Variants in DNMBP observed in about 807,000 individuals in gnomAD.
The protein encoded by DNMBP is dynamin-binding protein.
A neutral mutation model predicts 150.0 loss-of-function variants in DNMBP; 87 were observed. That is an observed-to-expected ratio of 0.58 (90% CI 0.49 to 0.69). The LOEUF (loss-of-function observed/expected upper bound fraction) is 0.69, where lower values mean the gene tolerates loss of function less well. Among genes scored for constraint, DNMBP ranks in the 30% least tolerant of loss-of-function variants. The probability of loss-of-function intolerance (pLI) is 0.00; values close to 1 mark genes in which losing one functional copy is unlikely to be tolerated. For synonymous variants in DNMBP, 711 were observed against 750.4 expected, an observed-to-expected ratio of 0.95 and a Z score of 0.86; for missense variants, 1,774 against 1,949.0, an observed-to-expected ratio of 0.91 and a Z score of 1.69.
chr10:99,884,362 C>T (rs1411906742), intron 14 of DNMBP, among the ~76,000 whole-genome samples, 153 bp from the exon 15 acceptor site: 2 of 152,170 alleles, frequency 1.3e-5, no homozygotes, highest in Non-Finnish European at 2.9e-5. Context: ...TGAAGCCAGC[C>T]CATGTGGCTA....
intron 1 of DNMBP, among the ~76,000 whole-genome samples, chr10:100,007,195 T>TACAC (rs370248949): frequency 1.3e-5 from 2 of 151,458 alleles, no homozygotes; most frequent in Admixed American, 1.3e-4. Flanking sequence ...CACATATACA[T>TACAC]ACACACACAC....
intron 4 of DNMBP, among the ~76,000 whole-genome samples, chr10:99,947,222 T>G (rs2040367168): frequency 6.6e-6 from 1 of 152,172 alleles, no homozygotes; most frequent in Non-Finnish European, 1.5e-5. Context: ...ATTGGGTATA[T>G]GCCCAAAGGA....
At chr10:99,906,225 C>T (rs1302168605) in intron 6 of DNMBP, among the ~76,000 whole-genome samples, 1 of 152,110 alleles carries the variant, frequency 6.6e-6, no homozygotes, top group East Asian at 1.9e-4. Context: ...TGACCCATTC[C>T]CCTTTCTAGC....
rs1419566211 is a variant in DNMBP at position 99,955,854 on chromosome 10, T to C, written c.1620A>G (p.Ser540=). The C allele has an allele frequency of 4.3e-6, 7 of 1,614,082 alleles. No individual in the cohort carries two copies. The highest frequency in any genetic ancestry group is 5.1e-6 in the Non-Finnish European group (6 of 1,180,040). ...CCAGGTCAGTGCTGCCGTCTCCCTGTGAATGTGTTGCTGCTTCCATAACAA... is the reference window on the plus strand; with the variant it reads ...CCAGGTCAGTGCTGCCGTCTCCCTGCGAATGTGTTGCTGCTTCCATAACAA... ...QGLVMEAATH[S]QGDGSTDLDS... Residue 540 remains serine (S), a synonymous_variant, in exon 4 of 17, where the codon TCA becomes TCG. Transcript: ENST00000324109.
intron 6 of DNMBP, among the ~76,000 whole-genome samples, chr10:99,904,814 G>A: frequency 6.6e-6 from 1 of 152,050 alleles, no homozygotes; most frequent in East Asian, 1.9e-4. Flanking sequence ...ATGGAGGTGG[G>A]GCTATGGATA....
chr10:99,946,416 T>C (rs566581878), intron 4 of DNMBP, among the ~76,000 whole-genome samples: 10 of 152,342 alleles, frequency 6.6e-5, no homozygotes, highest in South Asian at 2.1e-4. Flanking sequence ...TTTAAAGGCA[T>C]GTAAACCAAT....
chr10:99,976,450 C>G (rs1190496317), intron 1 of DNMBP, among the ~76,000 whole-genome samples: 1 of 152,166 alleles, frequency 6.6e-6, no homozygotes, highest in Non-Finnish European at 1.5e-5. Flanking sequence ...ATCTTTTAGG[C>G]CTTTCTCTTT....
intron 4 of DNMBP, among the ~76,000 whole-genome samples, chr10:99,912,052 TACTC>T (rs951155642): frequency 2.2e-4 from 34 of 152,238 alleles, no homozygotes; most frequent in Non-Finnish European, 3.1e-4. Flanking sequence ...ACTCATTTAA[TACTC>T]ACATCAGAAT....
In DNMBP at chr10:99,888,805, T is replaced by G. The variant is rs777730634; in HGVS notation, c.3285+20A>C. 1.2e-6 allele frequency: 2 copies of G among 1,613,538 alleles called. No homozygotes were observed. Among genetic ancestry groups the G allele is most frequent in the African/African-American group, 2.7e-5 (2 of 74,898 alleles). ...ATGACCCTGGGAAGGGGGCCAACTT[T>G]TGAAGAAAAAGTTACTTACAAAGTT... On this transcript the variant is annotated intron_variant, in intron 12 of 16. Coordinates refer to ENST00000324109, the MANE Select transcript of DNMBP (RefSeq NM_015221.4).
chr10:99,987,252 G>A (rs559509284), intron 1 of DNMBP, among the ~76,000 whole-genome samples: 5 of 148,968 alleles, frequency 3.4e-5, no homozygotes, highest in East Asian at 4.1e-4. Context: ...CTTGTAATCC[G>A]AGCATTCTGG....
In DNMBP at chr10:99,875,885, A is replaced by G. The variant is rs527822165; in HGVS notation, c.*1266T>C. Reference sequence around the variant, plus strand: ...GATTCTTGGTCTAAGGGGTAAGCAAATATCTTCCTGAGACTGGGAGGTATG... The same window carrying G: ...GATTCTTGGTCTAAGGGGTAAGCAAGTATCTTCCTGAGACTGGGAGGTATG... On this transcript the variant is annotated 3_prime_UTR_variant, in exon 17 of 17. Transcript: ENST00000324109. 2.6e-5 allele frequency: 4 copies of G among 152,292 alleles called. No homozygotes were observed. Among genetic ancestry groups the G allele is most frequent in the African/African-American group, 7.2e-5 (3 of 41,558 alleles). The allele number at this position is 152,292 out of a possible 1,614,324, so 9.4% of individuals were successfully genotyped here. A position where few individuals can be genotyped will look rare whatever the true frequency, so the allele number is the denominator to read the frequency against.
intron 1 of DNMBP, 106 bp from the exon 2 acceptor site, chr10:99,972,240 T>G: frequency 1.7e-6 from 2 of 1,144,142 alleles, no homozygotes; most frequent in Non-Finnish European, 2.4e-6. Flanking sequence ...ATACTTAAAA[T>G]GAAGCCAAAG....
At position 99,892,733 on chromosome 10, in the gene DNMBP, G is replaced by GA. The variant is rs1322016786; in HGVS notation, c.3156+2212dup. Among the ~76,000 whole-genome samples the GA allele has an allele frequency of 2.2e-4, 33 of 149,086 alleles. 1 individual carries two copies. In the East Asian group the frequency reaches 6.5e-3, roughly 29 times the overall value. On this transcript the variant is annotated intron_variant, in intron 11 of 16. Transcript: ENST00000324109. ...GACCCTGCCAAATCCCCCTCTGTGA[G>GA]AAACACCCAAGAATTATCAATAAAA...
At chr10:99,884,646 C>A (rs1234926618) in intron 14 of DNMBP, among the ~76,000 whole-genome samples, 1 of 152,204 alleles carries the variant, frequency 6.6e-6, no homozygotes, top group Admixed American at 6.5e-5. Context: ...TGGTTGCTCA[C>A]ACCTGTAATC....
At chr10:99,944,845 G>A (rs7068545) in intron 4 of DNMBP, among the ~76,000 whole-genome samples, 12,932 of 151,912 alleles carry the variant, frequency 0.085, 797 homozygotes, top group African/African-American at 0.17. Flanking sequence ...AACTAATACT[G>A]GACTTTTTAT....
chr10:99,935,919 G>A (rs1471961845), intron 4 of DNMBP, among the ~76,000 whole-genome samples: 5 of 152,032 alleles, frequency 3.3e-5, no homozygotes, highest in East Asian at 1.9e-4. Context: ...AAGATAACCC[G>A]GTTTTCCAAT....
intron 1 of DNMBP, among the ~76,000 whole-genome samples, chr10:99,989,665 C>T (rs985689359): frequency 2.0e-5 from 3 of 152,034 alleles, no homozygotes; most frequent in Admixed American, 1.3e-4. Flanking sequence ...GAGCCGAGAT[C>T]GCGCCATCGC....
chr10:99,877,361 G>C, intron 16 of DNMBP, 25 bp from the exon 17 acceptor site: 1 of 1,578,282 alleles, frequency 6.3e-7, no homozygotes, highest in East Asian at 2.3e-5. Context: ...GAGAGAAAAT[G>C]GGAAATTGCT....
At chr10:99,897,332 G>A (rs1337135745) in intron 9 of DNMBP, among the ~76,000 whole-genome samples, 2 of 152,134 alleles carry the variant, frequency 1.3e-5, no homozygotes, top group Non-Finnish European at 2.9e-5. Flanking sequence ...ACTGGGCATG[G>A]GCAGTGAAGA....
Sources: allele counts gnomAD v4.1 joint callset (sites outside exome capture counted in the v4.1 genomes callset), GRCh38; gene constraint gnomAD v4.1.1; transcripts MANE v1.5; gene names NCBI Gene and HGNC (gene_info 2026-07-23, HGNC 2026-07-21).